The following PLCL2 variants were observed in gnomAD, a reference collection of about 807,000 sequenced individuals.
PLCL2 encodes the protein phospholipase C like 2.
PLCL2 carries 4 observed loss-of-function variants against 79.6 expected under a neutral mutation model. The ratio of observed to expected loss-of-function variants is 0.05; its 90% CI spans 0.02 to 0.11. PLCL2 has a LOEUF of 0.11. Ranked by LOEUF, PLCL2 falls within the 10% of genes least tolerant of loss-of-function variation. The pLI is 1.00. For synonymous variants in PLCL2, 484 were observed against 457.7 expected (o/e 1.06, Z -0.73); for missense variants, 895 against 1,291.0 (o/e 0.69, Z 4.70).
At position 16,953,163 on chromosome 3, in the gene PLCL2, A is replaced by C. The variant is rs115850267; in HGVS notation, c.328-56511A>C. On this transcript the variant is annotated intron_variant, in intron 1 of 5. Transcript: ENST00000615277. ...CAAGACATATTATGTGAATGAAGCAAGGTGCAAAACACTATGCATAGTATG... is the reference window on the plus strand; with the variant it reads ...CAAGACATATTATGTGAATGAAGCACGGTGCAAAACACTATGCATAGTATG... 4.2e-3 allele frequency among the ~76,000 whole-genome samples: 640 copies of C among 152,290 alleles called. 4 individuals carry two copies. The highest frequency in any genetic ancestry group is 0.014 in the African/African-American group (597 of 41,576).
intron 5 of PLCL2, among the ~76,000 whole-genome samples, chr3:17,082,474 A>T (rs1157817027): frequency 6.6e-6 from 1 of 152,170 alleles, no homozygotes; most frequent in East Asian, 1.9e-4. Context: ...CCTCCAAGAC[A>T]TCTTAAACAT....
intron 1 of PLCL2, among the ~76,000 whole-genome samples, chr3:16,995,967 G>C (rs750330412): frequency 6.6e-6 from 1 of 152,132 alleles, no homozygotes; most frequent in African/African-American, 2.4e-5. Flanking sequence ...CCCTTTCACC[G>C]AAGGCCTAGG....
intron 1 of PLCL2, among the ~76,000 whole-genome samples, chr3:16,951,551 T>C (rs2063652224): frequency 6.6e-6 from 1 of 152,124 alleles, no homozygotes; most frequent in African/African-American, 2.4e-5. Flanking sequence ...CTCTTTTCTA[T>C]ATGTTTATTT....
In PLCL2 at chr3:16,976,812, T is replaced by C. The variant is rs537259481; in HGVS notation, c.328-32862T>C. Among the ~76,000 whole-genome samples, 13 of 152,324 alleles carry C rather than the reference T, an allele frequency of 8.5e-5. No homozygotes were observed. In the South Asian group the frequency reaches 2.7e-3, roughly 32 times the overall value. ...TTAGCTACTTCTTGAACTTTGAGTC[T>C]TCCATTGGCCCACACTAGGGTGGCA... On this transcript the variant is annotated intron_variant, in intron 1 of 5. Coordinates refer to ENST00000615277, the MANE Select transcript of PLCL2 (RefSeq NM_001144382.2).
At chr3:17,040,115 A>G (rs897498596) in intron 3 of PLCL2, among the ~76,000 whole-genome samples, 1 of 152,054 alleles carries the variant, frequency 6.6e-6, no homozygotes, top group Non-Finnish European at 1.5e-5. Flanking sequence ...CAGTGCAGCA[A>G]TTGTTCTTTT....
chr3:16,924,324 A>G (rs768495662), intron 1 of PLCL2, among the ~76,000 whole-genome samples: 6 of 152,166 alleles, frequency 3.9e-5, no homozygotes, highest in Non-Finnish European at 7.4e-5. Flanking sequence ...TACTAATTTT[A>G]TAAAGTCTAT....
chr3:16,948,884 T>C (rs1299614647), intron 1 of PLCL2, among the ~76,000 whole-genome samples: 1 of 152,222 alleles, frequency 6.6e-6, no homozygotes, highest in Non-Finnish European at 1.5e-5. Context: ...ACATAAACTA[T>C]TTCTGCATTT....
At chr3:16,899,029 G>A (rs1696557391) in intron 1 of PLCL2, among the ~76,000 whole-genome samples, 2 of 152,254 alleles carry the variant, frequency 1.3e-5, no homozygotes, top group Admixed American at 1.3e-4. Flanking sequence ...TTTGTCAGGA[G>A]GTTGTGCTTC....
Position 17,068,070 on chromosome 3 carries a change from C to CT in PLCL2, c.3204+6dup. On this transcript the variant is annotated splice_donor_region_variant and intron_variant, in intron 5 of 5. Transcript: ENST00000615277. ...TGGAATATTACCATCTTAAAGGTATCTATAGAGTTGTTTCTGATGCTGGTG... is the reference window on the plus strand; with the variant it reads ...TGGAATATTACCATCTTAAAGGTATCTTATAGAGTTGTTTCTGATGCTGGTG... 1 of 1,505,614 alleles carries CT rather than the reference C, an allele frequency of 6.6e-7. No homozygotes were observed. The highest frequency in any genetic ancestry group is 9.2e-7 in the Non-Finnish European group (1 of 1,085,088). 93.3% of individuals were successfully genotyped at this position (1,505,614 alleles called of 1,614,324 possible).
chr3:16,950,763 C>A (rs1337542420), intron 1 of PLCL2, among the ~76,000 whole-genome samples: 2 of 151,962 alleles, frequency 1.3e-5, no homozygotes, highest in Non-Finnish European at 2.9e-5. Flanking sequence ...TTATCAAATC[C>A]TTTTCTCTGC....
At chr3:16,938,670 C>T (rs776259462) in intron 1 of PLCL2, among the ~76,000 whole-genome samples, 3 of 152,164 alleles carry the variant, frequency 2.0e-5, no homozygotes, top group Non-Finnish European at 2.9e-5. Context: ...ATAGGATGGA[C>T]ACCAGGATGT....
chr3:16,976,671 T>C (rs1350506751), intron 1 of PLCL2, among the ~76,000 whole-genome samples: 1 of 152,242 alleles, frequency 6.6e-6, no homozygotes, highest in South Asian at 2.1e-4. Context: ...CCATGGAACA[T>C]TGTCATCTCT....
intron 5 of PLCL2, among the ~76,000 whole-genome samples, chr3:17,076,045 G>T (rs2065105976): frequency 6.6e-6 from 1 of 152,164 alleles, no homozygotes; most frequent in Non-Finnish European, 1.5e-5. Context: ...GAGTGGGATT[G>T]CTGGGTCACA....
chr3:16,985,472 A>T (rs1332897123), intron 1 of PLCL2, among the ~76,000 whole-genome samples: 2 of 152,166 alleles, frequency 1.3e-5, no homozygotes, highest in Non-Finnish European at 2.9e-5. Flanking sequence ...CACACATAGA[A>T]ACATCAAAGG....
intron 5 of PLCL2, among the ~76,000 whole-genome samples, chr3:17,088,863 C>G (rs958849501): frequency 6.6e-6 from 1 of 152,152 alleles, no homozygotes; most frequent in African/African-American, 2.4e-5. Context: ...TGCTTCAATT[C>G]GCCCACTGTT....
At chr3:17,007,942 A>G (rs1277580659) in intron 1 of PLCL2, among the ~76,000 whole-genome samples, 1 of 152,190 alleles carries the variant, frequency 6.6e-6, no homozygotes, top group Non-Finnish European at 1.5e-5. Flanking sequence ...TAAAATTGTG[A>G]AAGATCTTTT....
intron 3 of PLCL2, among the ~76,000 whole-genome samples, chr3:17,015,816 C>T (rs1372713235): frequency 6.6e-6 from 1 of 152,182 alleles, no homozygotes; most frequent in Non-Finnish European, 1.5e-5. Flanking sequence ...TAAACCTAAA[C>T]AGAAATATTT....
intron 1 of PLCL2, among the ~76,000 whole-genome samples, chr3:16,972,236 A>G (rs1209116193): frequency 6.6e-6 from 1 of 152,206 alleles, no homozygotes; most frequent in East Asian, 1.9e-4. Flanking sequence ...GAGGAAGTCA[A>G]ATTGTCCCTG....
chr3:16,990,110 A>G (rs1237052890), intron 1 of PLCL2, among the ~76,000 whole-genome samples: 1 of 142,346 alleles, frequency 7.0e-6, no homozygotes, highest in African/African-American at 2.7e-5. Context: ...AATGATGAGG[A>G]TGACGATGAC....
Sources: allele counts gnomAD v4.1 joint callset (sites outside exome capture counted in the v4.1 genomes callset), GRCh38; gene constraint gnomAD v4.1.1; transcripts MANE v1.5; gene names NCBI Gene and HGNC (gene_info 2026-07-23, HGNC 2026-07-21).